Variants in CDC42EP3 observed in about 807,000 individuals in gnomAD.
The protein encoded by CDC42EP3 is CDC42 effector protein 3, also known as CDC42 effector protein (Rho GTPase binding) 3.
Under a neutral mutation model 15.5 loss-of-function variants are expected in CDC42EP3, and 4 were observed. The observed-to-expected ratio is 0.26, with a 90% CI of 0.13 to 0.59. CDC42EP3 has a LOEUF of 0.59. CDC42EP3 is among the 20% of genes least tolerant of loss of function. CDC42EP3 has a pLI of 0.89. For synonymous variants in CDC42EP3, 145 were observed against 130.3 expected (o/e 1.11, Z -0.77); for missense variants, 309 against 311.2 (o/e 0.99, Z 0.05).
intron 1 of CDC42EP3, among the ~76,000 whole-genome samples, chr2:37,663,169 A>AAAAAC (rs139174965): frequency 1.5e-4 from 23 of 151,486 alleles, no homozygotes; most frequent in Non-Finnish European, 2.2e-4. Context: ...ACTCGGTCTC[A>AAAAAC]AAAACAAAAC....
In CDC42EP3 at chr2:37,646,688, C is replaced by T; in HGVS notation, c.-101G>A. On this transcript the variant is annotated 5_prime_UTR_variant, in exon 2 of 2. It removes an upstream start codon present in the reference 5' UTR. Coordinates refer to ENST00000295324, the MANE Select transcript of CDC42EP3 (RefSeq NM_006449.5). ...TCCTTTTTGATAGGAACTGTCACAT[C>T]ATTTTTCTCAAGTGGCTTCAGAAGT... The T allele has an allele frequency of 3.4e-6, 4 of 1,174,626 alleles. No individual in the cohort carries two copies. Among genetic ancestry groups the T allele is most frequent in the Non-Finnish European group, 4.8e-6 (4 of 834,424 alleles). 72.8% of individuals were successfully genotyped at this position (1,174,626 alleles called of 1,614,324 possible). A position where few individuals can be genotyped will look rare whatever the true frequency, so the allele number is the denominator to read the frequency against.
Position 37,656,994 on chromosome 2 carries a change from CCCGCCCCCCGCCATCCTCGAGGAGAAAAA to C in CDC42EP3, c.-235-10201_-235-10173del, listed in dbSNP as rs1161055590. Among the ~76,000 whole-genome samples, 291 of 100,672 alleles carry C rather than the reference CCCGCCCCCCGCCATCCTCGAGGAGAAAAA, an allele frequency of 2.9e-3. 2 individuals carry two copies. The highest frequency in any genetic ancestry group is 0.014 in the African/African-American group (283 of 20,166). 66.0% of individuals were successfully genotyped at this position (100,672 alleles called of 152,430 possible). A position where few individuals can be genotyped will look rare whatever the true frequency, so the allele number is the denominator to read the frequency against. ...AAGTAACAAAGCCCCCCCCCCACCC[CCCGCCCCCCGCCATCCTCGAGGAGAAAAA>C]CAAACATCCTGTTCTTAGAAAATCG... On this transcript the variant is annotated intron_variant, in intron 1 of 1. Transcript: ENST00000295324.
intron 1 of CDC42EP3, chr2:37,647,298 A>G (rs926982373): frequency 9.9e-5 from 15 of 152,244 alleles, no homozygotes; most frequent in African/African-American, 3.6e-4. Flanking sequence ...AGTGACAATA[A>G]CTATTATATG....
Position 37,642,218 on chromosome 2 carries a change from A to C in CDC42EP3, c.*3605T>G, listed in dbSNP as rs1041121207. 1.3e-5 allele frequency: 2 copies of C among 152,358 alleles called. No homozygotes were observed. Among genetic ancestry groups the C allele is most frequent in the African/African-American group, 4.8e-5 (2 of 41,576 alleles). 9.4% of individuals were successfully genotyped at this position (152,358 alleles called of 1,614,324 possible). ...AAACAAGTGTGTCCATAAATCAACC[A>C]AAAGACCATCTCCTCCTTTAGGAAA... On this transcript the variant is annotated 3_prime_UTR_variant, in exon 2 of 2. Transcript: ENST00000295324.
At chr2:37,665,959 A>G (rs949135798) in intron 1 of CDC42EP3, among the ~76,000 whole-genome samples, 1 of 152,176 alleles carries the variant, frequency 6.6e-6, no homozygotes, top group African/African-American at 2.4e-5. Flanking sequence ...AGGTTATACA[A>G]TTTGGGTCAG....
intron 1 of CDC42EP3, among the ~76,000 whole-genome samples, chr2:37,657,923 G>C (rs926071339): frequency 1.3e-5 from 2 of 152,194 alleles, no homozygotes; most frequent in South Asian, 4.1e-4. Context: ...CAGTAGTGCT[G>C]AAGTTGAGAA....
intron 1 of CDC42EP3, among the ~76,000 whole-genome samples, chr2:37,659,141 G>C (rs577651070): frequency 2.6e-5 from 4 of 152,270 alleles, no homozygotes; most frequent in Admixed American, 6.5e-5. Flanking sequence ...TCCCCAATCA[G>C]GCTATAATCT....
At chr2:37,650,678 A>G (rs566492499) in intron 1 of CDC42EP3, among the ~76,000 whole-genome samples, 1 of 152,370 alleles carries the variant, frequency 6.6e-6, no homozygotes, top group East Asian at 1.9e-4. Flanking sequence ...AGGTCTTGAC[A>G]TGATATTTAA....
chr2:37,646,287 G>C lies in CDC42EP3; in HGVS notation c.301C>G (p.Pro101Ala), dbSNP rs1421287513. 6.2e-7 allele frequency: 1 copy of C among 1,614,062 alleles called. No homozygotes were observed. The highest frequency in any genetic ancestry group is 1.7e-5 in the Admixed American group (1 of 60,000). ...SDSVFTETPSPVLKNAISLPT... is the reference protein window; with the variant it reads ...SDSVFTETPSAVLKNAISLPT... ...AGGGAGATGGCATTTTTGAGCACCG[G>C]GGAGGGCGTTTCTGTGAACACAGAG... Residue 101 changes from proline to alanine, a missense_variant, in exon 2 of 2, where the codon CCG becomes GCG. Coordinates refer to ENST00000295324, the MANE Select transcript of CDC42EP3 (RefSeq NM_006449.5).
chr2:37,657,019 A>G (rs1665886692), intron 1 of CDC42EP3, among the ~76,000 whole-genome samples: 1 of 102,388 alleles, frequency 9.8e-6, no homozygotes, highest in African/African-American at 4.1e-5. Flanking sequence ...CCTCGAGGAG[A>G]AAAACAAACA....
At chr2:37,666,187 G>T (rs1450759660) in intron 1 of CDC42EP3, among the ~76,000 whole-genome samples, 1 of 152,176 alleles carries the variant, frequency 6.6e-6, no homozygotes, top group Non-Finnish European at 1.5e-5. Flanking sequence ...TGTAGCTTCT[G>T]TTCTGTGTTT....
chr2:37,660,383 C>T (rs11124594), intron 1 of CDC42EP3, among the ~76,000 whole-genome samples: 46,580 of 152,030 alleles, frequency 0.31, 7,601 homozygotes, highest in East Asian at 0.58. Context: ...CTCATTCACA[C>T]CTACATGCAT....
intron 1 of CDC42EP3, among the ~76,000 whole-genome samples, chr2:37,670,790 CG>C (rs1462528958): frequency 2.9e-5 from 2 of 68,658 alleles, no homozygotes; most frequent in Non-Finnish European, 4.4e-5. Flanking sequence ...TAATTCATAA[CG>C]AAAAAATGGC....
chr2:37,659,240 G>A (rs780923377), intron 1 of CDC42EP3, among the ~76,000 whole-genome samples: 47 of 152,226 alleles, frequency 3.1e-4, no homozygotes, highest in Non-Finnish European at 3.4e-4. Context: ...AGACATTGCT[G>A]TGCCTCTTCC....
rs1285307258 is a variant in CDC42EP3 at position 37,645,173 on chromosome 2, A to T, written c.*650T>A. ...CTGCAATAAAAAGCCAAAGGCACGT[A>T]AAAATATATTTTAACTTTAAAAATA... On this transcript the variant is annotated 3_prime_UTR_variant, in exon 2 of 2. Coordinates refer to ENST00000295324, the MANE Select transcript of CDC42EP3 (RefSeq NM_006449.5). 6.6e-6 allele frequency: 1 copy of T among 152,664 alleles called. No homozygotes were observed. The highest frequency in any genetic ancestry group is 1.5e-5 in the Non-Finnish European group (1 of 68,042). The allele number at this position is 152,664 out of a possible 1,614,324, so 9.5% of individuals were successfully genotyped here. A position where few individuals can be genotyped will look rare whatever the true frequency, so the allele number is the denominator to read the frequency against.
chr2:37,646,290 A>C lies in CDC42EP3; in HGVS notation c.298T>G (p.Ser100Ala), dbSNP rs1312944256. The change falls in exon 2 of 2, where the codon TCC (serine) becomes GCC (alanine). Residue 100 changes from serine (S) to alanine (A), a missense_variant. Physicochemically the swap from Ser to Ala is moderately conservative, Grantham distance 99 (BLOSUM62 1). Transcript: ENST00000295324. ...GAGATGGCATTTTTGAGCACCGGGG[A>C]GGGCGTTTCTGTGAACACAGAGTCC... is the stretch of plus-strand genomic sequence containing the variant. The part of the protein sequence containing the change: ...TSDSVFTETP[S>A]PVLKNAISLP... 1 of 1,614,158 alleles carries C rather than the reference A, an allele frequency of 6.2e-7. No individual in the cohort carries two copies. Among genetic ancestry groups the C allele is most frequent in the African/African-American group, 1.3e-5 (1 of 75,034 alleles).
upstream of CDC42EP3, chr2:37,672,514 G>C (rs913877833): frequency 6.6e-6 from 1 of 152,180 alleles, no homozygotes; most frequent in Admixed American, 6.5e-5. Context: ...TGCGCCCGCC[G>C]GTCACCCGGC....
rs1665334198 is a variant in CDC42EP3 at position 37,643,449 on chromosome 2, A to G, written c.*2374T>C. On this transcript the variant is annotated 3_prime_UTR_variant, in exon 2 of 2. Coordinates refer to ENST00000295324, the MANE Select transcript of CDC42EP3 (RefSeq NM_006449.5). ...TAATTCAATTAATGGAAGAAAATGT[A>G]CATGAAAGAACTCCCAGAAACTAAA... 6.6e-6 allele frequency: 1 copy of G among 152,254 alleles called. No homozygotes were observed. Among genetic ancestry groups the G allele is most frequent in the African/African-American group, 2.4e-5 (1 of 41,472 alleles). 9.4% of individuals were successfully genotyped at this position (152,254 alleles called of 1,614,324 possible). A position where few individuals can be genotyped will look rare whatever the true frequency, so the allele number is the denominator to read the frequency against.
intron 1 of CDC42EP3, among the ~76,000 whole-genome samples, chr2:37,659,590 CAA>C (rs1043545215): frequency 3.5e-4 from 53 of 152,304 alleles, no homozygotes; most frequent in African/African-American, 1.2e-3. Flanking sequence ...AGGTAAGACT[CAA>C]AGAAAATTTG....
Sources: gnomAD v4.1 joint callset for allele counts (sites outside exome capture counted in the v4.1 genomes callset) on GRCh38, gnomAD v4.1.1 for gene constraint, MANE v1.5 for transcripts, NCBI Gene and HGNC (gene_info 2026-07-23, HGNC 2026-07-21) for gene names.